Variants in GLT1D1 observed in about 807,000 individuals in gnomAD.
GLT1D1 encodes the protein glycosyltransferase 1 domain-containing protein 1.
Under a neutral mutation model 28.7 loss-of-function variants are expected in GLT1D1, and 21 were observed. The ratio of observed to expected loss-of-function variants is 0.73; its 90% CI spans 0.52 to 1.05. GLT1D1 has a LOEUF of 1.05. GLT1D1 is among the 50% of genes least tolerant of loss of function. The probability of loss-of-function intolerance (pLI) is 0.00; values close to 1 mark genes in which losing one functional copy is unlikely to be tolerated. For synonymous variants in GLT1D1, 147 were observed against 124.8 expected, an observed-to-expected ratio of 1.18 and a Z score of -1.19; for missense variants, 343 against 330.6, an observed-to-expected ratio of 1.04 and a Z score of -0.29.
chr12:128,939,842 C>A (rs1185589256), intron 4 of GLT1D1, among the ~76,000 whole-genome samples: 1 of 144,720 alleles, frequency 6.9e-6, no homozygotes, highest in Non-Finnish European at 1.5e-5. Context: ...TAGAAACCCC[C>A]CCCCACCGCC....
At chr12:128,903,415 C>T (rs80024042) in intron 4 of GLT1D1, among the ~76,000 whole-genome samples, 18,678 of 151,568 alleles carry the variant, frequency 0.12, 1,446 homozygotes, top group South Asian at 0.26. Context: ...AGCAACTCAG[C>T]GGGTGGAGAT....
chr12:128,958,000 G>A (rs893991395), intron 7 of GLT1D1, among the ~76,000 whole-genome samples: 6 of 152,254 alleles, frequency 3.9e-5, no homozygotes, highest in African/African-American at 9.6e-5. Flanking sequence ...GCGCCTATGC[G>A]ATCACTTTTC....
intron 4 of GLT1D1, among the ~76,000 whole-genome samples, chr12:128,928,189 C>A (rs936803221): frequency 3.3e-5 from 5 of 152,006 alleles, no homozygotes; most frequent in African/African-American, 1.2e-4. Context: ...AAACTTGGCA[C>A]GGTTCCTTCC....
chr12:128,906,397 C>T (rs180737473), intron 4 of GLT1D1, among the ~76,000 whole-genome samples: 69 of 152,240 alleles, frequency 4.5e-4, no homozygotes, highest in African/African-American at 1.5e-3. Context: ...AAAACACCCA[C>T]GAACAAATTA....
At chr12:128,881,048 C>A (rs2135810244) in intron 2 of GLT1D1, among the ~76,000 whole-genome samples, 1 of 150,088 alleles carries the variant, frequency 6.7e-6, no homozygotes, top group African/African-American at 2.5e-5. Flanking sequence ...CACGGTGAAA[C>A]CCCGTCTCTA....
chr12:128,889,781 T>C (rs1414594925), intron 3 of GLT1D1, among the ~76,000 whole-genome samples: 1 of 152,190 alleles, frequency 6.6e-6, no homozygotes, highest in Non-Finnish European at 1.5e-5. Flanking sequence ...TTCTCTCTTC[T>C]CTTCTCTTTT....
At chr12:128,949,842 A>T (rs1359223884) in intron 6 of GLT1D1, among the ~76,000 whole-genome samples, 1 of 152,094 alleles carries the variant, frequency 6.6e-6, no homozygotes, top group African/African-American at 2.4e-5. Context: ...GCACATGCAC[A>T]CGCACGTACA....
Position 128,853,619 on chromosome 12 carries a change from C to A in GLT1D1, c.38C>A (p.Thr13Asn). 1 of 1,181,936 alleles carries A rather than the reference C, an allele frequency of 8.5e-7. No homozygotes were observed. The highest frequency in any genetic ancestry group is 1.1e-6 in the Non-Finnish European group (1 of 943,722). The allele number at this position is 1,181,936 out of a possible 1,614,324, so 73.2% of individuals were successfully genotyped here. The change falls in exon 1 of 8, where the codon ACC (threonine) becomes AAC (asparagine). Residue 13 changes from threonine to asparagine, a missense_variant. Thr to Asn is a moderately conservative substitution (Grantham distance 65). Coordinates refer to ENST00000281703, the MANE Select transcript of GLT1D1 (RefSeq NM_144669.3). ...TTCCTGGCGGTGCTGCGGCCACACA[C>A]CGGCAACGCGGTCACGGCCCAGCGC...
Position 128,983,086 on chromosome 12 carries a change from A to T in GLT1D1, c.797A>T (p.Asp266Val). ...AGGAAGCTGGAAGGAAGCACTGAAGATTGAGGGCCCCGCCTCATCAGACAC... is the reference window on the plus strand; with the variant it reads ...AGGAAGCTGGAAGGAAGCACTGAAGTTTGAGGGCCCCGCCTCATCAGACAC... Residue 266 changes from aspartate to valine, a missense_variant, in exon 8 of 8, where the codon GAT becomes GTT. Asp to Val is a radical substitution (Grantham distance 152, BLOSUM62 -3). Transcript: ENST00000281703. This position sits in a 1 kb window ranked among gnomAD's most constrained non-coding sequence, Gnocchi z 4.7. 6.2e-7 allele frequency: 1 copy of T among 1,613,564 alleles called. No homozygotes were observed. The highest frequency in any genetic ancestry group is 8.5e-7 in the Non-Finnish European group (1 of 1,179,758).
chr12:128,942,166 G>A lies in GLT1D1; in HGVS notation c.376-3160G>A, dbSNP rs77957366. Among the ~76,000 whole-genome samples, 30 of 151,886 alleles carry A rather than the reference G, an allele frequency of 2.0e-4. No homozygotes were observed. The East Asian group carries it at 5.8e-3, about 29-fold the overall frequency. On this transcript the variant is annotated intron_variant, in intron 4 of 7. Transcript: ENST00000281703. The stretch of plus-strand genomic sequence containing the variant: ...CACTGAGACATCAGGCAGCAGGAAG[G>A]AAGGTGGGGTGGAGCAGGCCCTGTG...
At chr12:128,899,127 A>G in intron 3 of GLT1D1, 109 bp from the exon 4 acceptor site, 1 of 771,818 alleles carries the variant, frequency 1.3e-6, no homozygotes, top group Non-Finnish European at 2.2e-6. Flanking sequence ...TTGCATTTTA[A>G]ATTTAGTGTC....
chr12:128,948,808 A>C (rs1876393804), intron 6 of GLT1D1, among the ~76,000 whole-genome samples: 1 of 152,222 alleles, frequency 6.6e-6, no homozygotes, highest in Non-Finnish European at 1.5e-5. Flanking sequence ...TACATTTAAG[A>C]AATGACTGAC....
rs755238228 is a variant in GLT1D1 at position 128,983,033 on chromosome 12, GGAAA to G, written c.747_750del (p.Arg250ThrfsTer50). On this transcript the variant is annotated frameshift_variant, in exon 8 of 8. Coordinates refer to ENST00000281703, the MANE Select transcript of GLT1D1 (RefSeq NM_144669.3). LOFTEE classifies it low-confidence loss of function (END_TRUNC). The surrounding 1 kb of genome is among the most constrained non-coding windows in gnomAD (Gnocchi z 4.7). ...TGAGAATGTATCATTCATGGCAGGT[GGAAA>G]GAGACACCTACCAACAGCTCATCAG... 4 of 1,614,102 alleles carry G rather than the reference GGAAA, an allele frequency of 2.5e-6. No individual in the cohort carries two copies. Among genetic ancestry groups the G allele is most frequent in the Non-Finnish European group, 3.4e-6 (4 of 1,180,006 alleles).
chr12:128,876,119 C>G, intron 2 of GLT1D1, 57 bp downstream of exon 2: 1 of 1,472,220 alleles, frequency 6.8e-7, no homozygotes, highest in Non-Finnish European at 9.3e-7. Context: ...CCGGAAGTGC[C>G]TGTAATGTCC....
At chr12:128,896,384 C>A (rs1869626252) in intron 3 of GLT1D1, among the ~76,000 whole-genome samples, 1 of 151,856 alleles carries the variant, frequency 6.6e-6, no homozygotes, top group Non-Finnish European at 1.5e-5. Context: ...TGTCCCAATG[C>A]AATGTAGAAA....
intron 2 of GLT1D1, among the ~76,000 whole-genome samples, chr12:128,879,381 T>TCCTTCCTTCCTTCCTTCCTTCCTTC (rs1566096266): frequency 6.8e-5 from 2 of 29,298 alleles, no homozygotes; most frequent in African/African-American, 1.7e-4. Flanking sequence ...TTTTTCTTTT[T>TCCTTCCTTCCTTCCTTCCTTCCTTC]CTTTCTTTCT....
intron 1 of GLT1D1, among the ~76,000 whole-genome samples, chr12:128,854,786 T>C (rs1279336270): frequency 6.6e-6 from 1 of 152,276 alleles, no homozygotes. Context: ...TATGAGCCAC[T>C]GTGCCCGGCC....
At chr12:128,859,122 G>T (rs767821889) in intron 1 of GLT1D1, among the ~76,000 whole-genome samples, 2 of 152,168 alleles carry the variant, frequency 1.3e-5, no homozygotes, top group Non-Finnish European at 2.9e-5. Flanking sequence ...ACCTCCTGAG[G>T]GCTGTGTCAC....
chr12:128,924,866 C>G (rs893107978), intron 4 of GLT1D1, among the ~76,000 whole-genome samples: 1 of 152,168 alleles, frequency 6.6e-6, no homozygotes, highest in Non-Finnish European at 1.5e-5. Context: ...CTGCCACTGA[C>G]AGCCATTGGA....
Sources: gnomAD v4.1 joint callset for allele counts (sites outside exome capture counted in the v4.1 genomes callset) on GRCh38, gnomAD v4.1.1 for gene constraint, Gnocchi (gnomAD v3.1) non-coding constraint, MANE v1.5 for transcripts, NCBI Gene and HGNC (gene_info 2026-07-23, HGNC 2026-07-21) for gene names.